CCDC186: variants seen among roughly 807,000 people sequenced by gnomAD.
CCDC186 encodes coiled-coil domain-containing protein 186.
CCDC186 carries 49 observed loss-of-function variants against 113.7 expected under a neutral mutation model. The observed-to-expected ratio is 0.43, with a 90% CI of 0.34 to 0.55. CCDC186 has a LOEUF of 0.55. Among genes scored for constraint, CCDC186 ranks in the 20% least tolerant of loss-of-function variants. The pLI is 0.02. For missense variants in CCDC186, 890 were observed against 1,011.1 expected (o/e 0.88, Z 1.62); for synonymous variants, 355 against 345.8 (o/e 1.03, Z -0.30).
intron 6 of CCDC186, among the ~76,000 whole-genome samples, chr10:114,138,461 T>G (rs1371941103): frequency 6.6e-6 from 1 of 151,572 alleles, no homozygotes; most frequent in Non-Finnish European, 1.5e-5. Context: ...ATTCAGCTAA[T>G]TTTTGTATTT....
intron 4 of CCDC186, among the ~76,000 whole-genome samples, chr10:114,149,754 C>CAGGAAGGA (rs1182536298): frequency 3.0e-3 from 180 of 60,594 alleles, no homozygotes; most frequent in Middle Eastern, 0.015. Flanking sequence ...GGCAGGAAGG[C>CAGGAAGGA]AGGAAGGAAG....
At chr10:114,171,264 G>A (rs2032485519) in intron 1 of CCDC186, among the ~76,000 whole-genome samples, 1 of 152,058 alleles carries the variant, frequency 6.6e-6, no homozygotes, top group Non-Finnish European at 1.5e-5. Flanking sequence ...TTCCTTTACA[G>A]GTGGCTCACA....
chr10:114,158,824 C>A (rs1367009962), intron 2 of CCDC186, among the ~76,000 whole-genome samples: 1 of 152,196 alleles, frequency 6.6e-6, no homozygotes, highest in Non-Finnish European at 1.5e-5. Context: ...TTCCAAAGCC[C>A]CAGGCCTTTC....
At chr10:114,167,372 C>T (rs1032174455) in intron 1 of CCDC186, among the ~76,000 whole-genome samples, 2 of 152,016 alleles carry the variant, frequency 1.3e-5, no homozygotes, top group African/African-American at 2.4e-5. Flanking sequence ...TGTGTATATA[C>T]GTAACAAAGC....
Position 114,124,808 on chromosome 10 carries a change from A to G in CCDC186, c.*335T>C, listed in dbSNP as rs2030837116. ...AAAGGTGAGTCATTTTTGACATTACATATTTTAAAGGGAAGAAATATGAAC... is the reference window on the plus strand; with the variant it reads ...AAAGGTGAGTCATTTTTGACATTACGTATTTTAAAGGGAAGAAATATGAAC... On this transcript the variant is annotated 3_prime_UTR_variant, in exon 16 of 16. Transcript: ENST00000369287. 1.0e-5 allele frequency: 2 copies of G among 197,454 alleles called. No individual in the cohort carries two copies. The highest frequency in any genetic ancestry group is 2.0e-5 in the Non-Finnish European group (2 of 98,700). The allele number at this position is 197,454 out of a possible 1,614,324, so 12.2% of individuals were successfully genotyped here.
intron 5 of CCDC186, among the ~76,000 whole-genome samples, chr10:114,145,340 T>A (rs959172568): frequency 4.7e-5 from 7 of 148,896 alleles, no homozygotes; most frequent in African/African-American, 1.7e-4. Flanking sequence ...CCAACACTTA[T>A]TTTTTCCCTA....
At chr10:114,131,092 T>C in intron 12 of CCDC186, 55 bp downstream of exon 12, 5 of 1,323,248 alleles carry the variant, frequency 3.8e-6, no homozygotes, top group South Asian at 4.2e-5. Context: ...AATAAAATCC[T>C]AATGATTAAA....
At position 114,123,347 on chromosome 10, in the gene CCDC186, T is replaced by G. The variant is rs535287451; in HGVS notation, c.*1796A>C. On this transcript the variant is annotated 3_prime_UTR_variant, in exon 16 of 16. Transcript: ENST00000369287. Reference sequence around the variant, plus strand: ...TTTTGAAGTGAAAAGATATTTTTTTTGGGATAACATCTAATTCAATATATA... The same window carrying G: ...TTTTGAAGTGAAAAGATATTTTTTTGGGGATAACATCTAATTCAATATATA... The G allele has an allele frequency of 4.4e-3, 669 of 152,512 alleles. 3 individuals carry two copies. Among genetic ancestry groups the G allele is most frequent in the African/African-American group, 8.2e-3 (339 of 41,584 alleles). 9.4% of individuals were successfully genotyped at this position (152,512 alleles called of 1,614,324 possible). A position where few individuals can be genotyped will look rare whatever the true frequency, so the allele number is the denominator to read the frequency against.
At chr10:114,149,790 A>AAGGC (rs1160542544) in intron 4 of CCDC186, among the ~76,000 whole-genome samples, 8 of 54,542 alleles carry the variant, frequency 1.5e-4, no homozygotes, top group East Asian at 3.8e-4. Flanking sequence ...GGAAGGCAGG[A>AAGGC]AGGAAGGAAG....
In CCDC186 at chr10:114,122,793, G is replaced by A. The variant is rs1052080276; in HGVS notation, c.*2350C>T. Reference sequence around the variant, plus strand: ...ACAAAAGCACACTGTAGACAGTGAAGAACAGAAGAAAACTAAAGCATTTTC... The same window carrying A: ...ACAAAAGCACACTGTAGACAGTGAAAAACAGAAGAAAACTAAAGCATTTTC... On this transcript the variant is annotated 3_prime_UTR_variant, in exon 16 of 16. Transcript: ENST00000369287. 1 of 152,142 alleles carries A rather than the reference G, an allele frequency of 6.6e-6. No homozygotes were observed. Among genetic ancestry groups the A allele is most frequent in the Non-Finnish European group, 1.5e-5 (1 of 67,998 alleles). 9.4% of individuals were successfully genotyped at this position (152,142 alleles called of 1,614,324 possible). A position where few individuals can be genotyped will look rare whatever the true frequency, so the allele number is the denominator to read the frequency against.
chr10:114,143,804 A>G (rs2031551075), intron 6 of CCDC186, among the ~76,000 whole-genome samples: 1 of 152,218 alleles, frequency 6.6e-6, no homozygotes, highest in South Asian at 2.1e-4. Flanking sequence ...TGATATTTTC[A>G]TAAACTTACA....
rs2030817798 is a variant in CCDC186 at position 114,124,243 on chromosome 10, A to G, written c.*900T>C. On this transcript the variant is annotated 3_prime_UTR_variant, in exon 16 of 16. Transcript: ENST00000369287. ...AATACATAATTAATATATCCATGGTAAAGAATGGTGCTCAAATGAAATAGT... is the reference window on the plus strand; with the variant it reads ...AATACATAATTAATATATCCATGGTGAAGAATGGTGCTCAAATGAAATAGT... The G allele has an allele frequency of 6.6e-6, 1 of 152,196 alleles. No homozygotes were observed. The highest frequency in any genetic ancestry group is 2.1e-4 in the South Asian group (1 of 4,830). The allele number at this position is 152,196 out of a possible 1,614,324, so 9.4% of individuals were successfully genotyped here.
intron 14 of CCDC186, 29 bp downstream of exon 14, chr10:114,127,432 A>G (rs2030941505): frequency 1.3e-5 from 21 of 1,592,692 alleles, no homozygotes; most frequent in Non-Finnish European, 1.7e-5. Context: ...TATTTTGAAG[A>G]CCGATCATGC....
chr10:114,159,633 T>A (rs1261191873), intron 2 of CCDC186, among the ~76,000 whole-genome samples: 6 of 99,914 alleles, frequency 6.0e-5, no homozygotes, highest in Non-Finnish European at 7.3e-5. Context: ...AGAGCGAGAC[T>A]CCGTCTCAAA....
chr10:114,145,340 T>C (rs959172568), intron 5 of CCDC186, among the ~76,000 whole-genome samples: 1 of 148,786 alleles, frequency 6.7e-6, no homozygotes, highest in African/African-American at 2.5e-5. Flanking sequence ...CCAACACTTA[T>C]TTTTTCCCTA....
intron 4 of CCDC186, among the ~76,000 whole-genome samples, chr10:114,149,559 A>AAAGGGAAGGGAAGGGAAGGG (rs2031752301): frequency 1.2e-5 from 1 of 86,752 alleles, no homozygotes; most frequent in Non-Finnish European, 2.4e-5. Flanking sequence ...GAAGGGAAGG[A>AAAGGGAAGGGAAGGGAAGGG]AAGGAAAGGG....
intron 10 of CCDC186, 130 bp from the exon 11 acceptor site, chr10:114,132,314 T>C (rs2031114247): frequency 3.0e-6 from 2 of 658,858 alleles, no homozygotes; most frequent in Non-Finnish European, 4.7e-6. Flanking sequence ...TATTTATAAA[T>C]GCCTAATATA....
At position 114,135,961 on chromosome 10, in the gene CCDC186, A is replaced by T; in HGVS notation, c.1442T>A (p.Ile481Lys). ...SDQLEMHHAK[I>K]KELEDLKRTF... ...TCTCTTCAGATCTTCTAGTTCCTTT[A>T]TTTTGGCATGATGCATCTTTAAAAA... The change falls in exon 9 of 16, where the codon ATA becomes AAA. Residue 481 changes from isoleucine (I) to lysine (K), a missense_variant. Coordinates refer to ENST00000369287, the MANE Select transcript of CCDC186 (RefSeq NM_018017.4). The T allele has an allele frequency of 6.2e-7, 1 of 1,612,882 alleles. No individual in the cohort carries two copies. The highest frequency in any genetic ancestry group is 2.2e-5 in the East Asian group (1 of 44,736).
Position 114,157,680 on chromosome 10 carries a change from C to T in CCDC186, c.633G>A (p.Lys211=), listed in dbSNP as rs750112793. 1.9e-6 allele frequency: 3 copies of T among 1,576,670 alleles called. No homozygotes were observed. The highest frequency in any genetic ancestry group is 1.9e-4 in the Middle Eastern group (1 of 5,264). ...GATGCTTCTTATTTTCTTTAATTAA[C>T]CTAAATATAAAAAGGGCAGTGTATG... ...KYLQQEHIIK[K]LIKENKKHQE... Residue 211 remains lysine, a splice_region_variant and synonymous_variant, in exon 3 of 16, where the codon AAG becomes AAA. Coordinates refer to ENST00000369287, the MANE Select transcript of CCDC186 (RefSeq NM_018017.4).
Sources: gnomAD v4.1 joint callset for allele counts (sites outside exome capture counted in the v4.1 genomes callset) on GRCh38, gnomAD v4.1.1 for gene constraint, MANE v1.5 for transcripts, NCBI Gene and HGNC (gene_info 2026-07-23, HGNC 2026-07-21) for gene names.